The following LOC128125822 variants were observed in gnomAD, a reference collection of about 807,000 sequenced individuals.
the LOC128125822 span, among the ~76,000 whole-genome samples, chr6:63,575,785 T>C: frequency 6.6e-6 from 1 of 152,128 alleles, no homozygotes; most frequent in African/African-American, 2.4e-5. Flanking sequence ...CAGAGACTCA[T>C]TTTCCTCGTC....
the LOC128125822 span, among the ~76,000 whole-genome samples, chr6:63,573,856 C>T: frequency 6.6e-6 from 1 of 152,290 alleles, no homozygotes; most frequent in African/African-American, 2.4e-5. Context: ...TTTCCCCTGC[C>T]AATTTTGGAA....
At chr6:63,577,120 A>G in the LOC128125822 span, 555 of 676,314 alleles carry the variant, frequency 8.2e-4, 3 homozygotes, top group African/African-American at 7.7e-3. Flanking sequence ...ATAAATGTCA[A>G]TGTCTTCTAT....
chr6:63,578,251 T>C, the LOC128125822 span, among the ~76,000 whole-genome samples: 1 of 152,246 alleles, frequency 6.6e-6, no homozygotes, highest in African/African-American at 2.4e-5. Context: ...CTTTTCTTTT[T>C]ATATTCTAGC....
chr6:63,579,349 T>C, the LOC128125822 span: 1 of 1,552,364 alleles, frequency 6.4e-7, no homozygotes, highest in Admixed American at 1.8e-5. Flanking sequence ...ATGGATTCTC[T>C]TTTCATTTGT....
chr6:63,572,602 G>T, the LOC128125822 span: 1 of 418,216 alleles, frequency 2.4e-6, no homozygotes, highest in Non-Finnish European at 4.1e-6. Flanking sequence ...CGCCACCGCC[G>T]CTCCGCCACG....
At chr6:63,578,828 A>G in the LOC128125822 span, 44 of 1,341,138 alleles carry the variant, frequency 3.3e-5, no homozygotes, top group South Asian at 2.5e-4. Context: ...TTTCCATGTT[A>G]GAAATTTAGA....
At chr6:63,581,881 T>C in the LOC128125822 span, 4 of 152,180 alleles carry the variant, frequency 2.6e-5, no homozygotes, top group Non-Finnish European at 4.4e-5. Flanking sequence ...TAATGTTAAG[T>C]TTCCTTTAAT....
chr6:63,582,490 A>G, the LOC128125822 span: 1 of 152,636 alleles, frequency 6.6e-6, no homozygotes, highest in Admixed American at 6.5e-5. Context: ...TCTTGTAAAT[A>G]TGGCTAATTA....
the LOC128125822 span, chr6:63,580,844 A>G: frequency 6.6e-6 from 1 of 152,454 alleles, no homozygotes; most frequent in Admixed American, 6.6e-5. Flanking sequence ...ACAGAAGCAC[A>G]TGTCTTTAAT....
At chr6:63,579,199 T>C in the LOC128125822 span, 2 of 1,525,314 alleles carry the variant, frequency 1.3e-6, no homozygotes, top group African/African-American at 2.8e-5. Flanking sequence ...TTTGGAGAAA[T>C]AAATTTACAA....
chr6:63,573,239 C>A, the LOC128125822 span: 1 of 152,784 alleles, frequency 6.5e-6, no homozygotes, highest in South Asian at 2.1e-4. Flanking sequence ...GCGCGTGTCA[C>A]TGCGGAGCCG....
the LOC128125822 span, chr6:63,581,434 A>G: frequency 1.3e-5 from 2 of 152,652 alleles, no homozygotes; most frequent in Non-Finnish European, 2.9e-5. Flanking sequence ...ATCTAAATAA[A>G]TAATGACATG....
the LOC128125822 span, chr6:63,578,859 A>G: frequency 6.9e-7 from 1 of 1,454,408 alleles, no homozygotes; most frequent in Non-Finnish European, 9.2e-7. Context: ...CAGTGTTTAT[A>G]TTAATGATCT....
chr6:63,579,234 T>C, the LOC128125822 span: 23 of 1,579,118 alleles, frequency 1.5e-5, no homozygotes, highest in African/African-American at 3.0e-4. Flanking sequence ...AAAAACTATT[T>C]ATCAAAATTC....
chr6:63,578,356 C>T, the LOC128125822 span: 1 of 1,440,260 alleles, frequency 6.9e-7, no homozygotes, highest in Non-Finnish European at 9.2e-7. Flanking sequence ...ACTTACTGAT[C>T]AGAGATGATC....
chr6:63,580,307 C>T, the LOC128125822 span: 1 of 731,510 alleles, frequency 1.4e-6, no homozygotes, highest in Non-Finnish European at 2.3e-6. Flanking sequence ...TTTTACCAGG[C>T]CTCAAGCTAG....
the LOC128125822 span, chr6:63,577,103 C>A: frequency 2.3e-5 from 17 of 738,868 alleles, no homozygotes. Context: ...AATTCCAGTT[C>A]CCAGAAATAA....
chr6:63,580,315 T>A, the LOC128125822 span: 7 of 694,364 alleles, frequency 1.0e-5, no homozygotes, highest in African/African-American at 8.9e-5. Context: ...GGCCTCAAGC[T>A]AGACAGATTT....
the LOC128125822 span, among the ~76,000 whole-genome samples, chr6:63,577,606 G>C: frequency 6.6e-6 from 1 of 151,964 alleles, no homozygotes; most frequent in Non-Finnish European, 1.5e-5. Flanking sequence ...ACCCAGGCTG[G>C]AGTGCAGTGG....
Sources: gnomAD v4.1 joint callset for allele counts (sites outside exome capture counted in the v4.1 genomes callset) on GRCh38, gnomAD v4.1.1 for gene constraint, MANE v1.5 for transcripts.